SPAG16: variants seen among roughly 807,000 people sequenced by gnomAD.
SPAG16 encodes the protein sperm-associated antigen 16 protein.
In SPAG16, 86 loss-of-function variants were observed where a neutral mutation model predicts 80.4. The observed-to-expected ratio is 1.07, with a 90% CI of 0.90 to 1.28. SPAG16 has a LOEUF of 1.28. Ranked by LOEUF, SPAG16 falls within the 50% of genes most tolerant of loss-of-function variation. The pLI is 0.00. For synonymous variants in SPAG16, 294 were observed against 265.9 expected (o/e 1.11, Z -1.03); for missense variants, 870 against 765.3 (o/e 1.14, Z -1.61).
chr2:213,439,758 G>A (rs1469115452), intron 9 of SPAG16, among the ~76,000 whole-genome samples: 2 of 152,170 alleles, frequency 1.3e-5, no homozygotes, highest in Non-Finnish European at 2.9e-5. Context: ...ATTGGTTAAA[G>A]AAATTGTAGA....
At chr2:213,315,379 G>A (rs1209144702) in intron 4 of SPAG16, among the ~76,000 whole-genome samples, 7 of 151,670 alleles carry the variant, frequency 4.6e-5, no homozygotes, top group Non-Finnish European at 8.8e-5. Flanking sequence ...CTCTCATCTT[G>A]TCTGCTTGAT....
chr2:214,355,940 G>A (rs1186888980), intron 15 of SPAG16, among the ~76,000 whole-genome samples: 12 of 144,226 alleles, frequency 8.3e-5, no homozygotes, highest in East Asian at 2.1e-4. Flanking sequence ...ACCAAACACC[G>A]CATGTTCTCA....
chr2:213,496,691 TTATACATATCCATA>T (rs1055596918), intron 10 of SPAG16, among the ~76,000 whole-genome samples: 4 of 151,182 alleles, frequency 2.6e-5, no homozygotes, highest in South Asian at 2.1e-4. Flanking sequence ...AAGTACTTAA[TTATACATATCCATA>T]TATACATATC....
At chr2:213,508,877 C>T (rs889809798) in intron 10 of SPAG16, among the ~76,000 whole-genome samples, 5 of 151,836 alleles carry the variant, frequency 3.3e-5, no homozygotes, top group African/African-American at 1.2e-4. Context: ...TGTAACTAAC[C>T]TGCACATTGT....
chr2:213,923,727 C>G (rs78992559), intron 11 of SPAG16: 1 of 152,370 alleles, frequency 6.6e-6, no homozygotes, highest in African/African-American at 2.4e-5. Flanking sequence ...ACATTGATCA[C>G]CTGGCAACCA....
chr2:213,396,893 CT>C (rs1246859227), intron 9 of SPAG16, among the ~76,000 whole-genome samples: 3 of 150,984 alleles, frequency 2.0e-5, no homozygotes, highest in South Asian at 2.1e-4. Context: ...CGTAAGGATC[CT>C]TTTTTTTTGA....
chr2:214,370,914 C>T (rs1699772420), intron 15 of SPAG16, among the ~76,000 whole-genome samples: 1 of 152,146 alleles, frequency 6.6e-6, no homozygotes, highest in Admixed American at 6.5e-5. Flanking sequence ...CATACTTGGG[C>T]CAAGTCTCTA....
intron 10 of SPAG16, among the ~76,000 whole-genome samples, chr2:213,769,889 C>A (rs948388272): frequency 3.3e-5 from 5 of 152,182 alleles, no homozygotes; most frequent in African/African-American, 1.2e-4. Context: ...GCTATCAACT[C>A]ACAAAGTGTG....
At chr2:213,444,924 T>C (rs891287444) in intron 9 of SPAG16, among the ~76,000 whole-genome samples, 9 of 152,048 alleles carry the variant, frequency 5.9e-5, no homozygotes, top group African/African-American at 2.2e-4. Context: ...AAAGACAAAA[T>C]TCAGAAATAA....
At position 214,296,961 on chromosome 2, in the gene SPAG16, G is replaced by A. The variant is rs558192198; in HGVS notation, c.1721-113179G>A. 3.3e-5 allele frequency among the ~76,000 whole-genome samples: 5 copies of A among 152,290 alleles called. No homozygotes were observed. In the South Asian group the frequency reaches 1.0e-3, roughly 32 times the overall value. On this transcript the variant is annotated intron_variant, in intron 15 of 15. Coordinates refer to ENST00000331683, the MANE Select transcript of SPAG16 (RefSeq NM_024532.5). ...TGTTCACTCTGTCACCATGTGGCAT[G>A]CTGGCTCCCCTTCACTTTCTGCCAT...
intron 10 of SPAG16, among the ~76,000 whole-genome samples, chr2:213,494,100 C>A (rs78040575): frequency 0.06 from 9,170 of 152,200 alleles, 913 homozygotes; most frequent in African/African-American, 0.21. Context: ...AGTTTTCCTG[C>A]TGACTCCCAG....
At chr2:213,448,165 T>G (rs907100043) in intron 9 of SPAG16, among the ~76,000 whole-genome samples, 5 of 152,338 alleles carry the variant, frequency 3.3e-5, no homozygotes, top group African/African-American at 4.8e-5. Flanking sequence ...TTATTTGGCT[T>G]GGAGATCGGC....
chr2:213,556,613 G>T (rs555908208), intron 10 of SPAG16, among the ~76,000 whole-genome samples: 2 of 152,148 alleles, frequency 1.3e-5, no homozygotes, highest in East Asian at 3.9e-4. Context: ...TAATAGATCT[G>T]GAGAGAAAGA....
intron 10 of SPAG16, among the ~76,000 whole-genome samples, chr2:213,514,538 A>C (rs955942578): frequency 2.0e-5 from 3 of 151,870 alleles, no homozygotes; most frequent in Admixed American, 2.0e-4. Context: ...ACATATGTAT[A>C]CATGTGCCAT....
At chr2:213,933,996 T>C (rs2078883751) in intron 12 of SPAG16, among the ~76,000 whole-genome samples, 1 of 152,142 alleles carries the variant, frequency 6.6e-6, no homozygotes, top group African/African-American at 2.4e-5. Context: ...GGACTTGTAT[T>C]TTTGCACAGT....
intron 15 of SPAG16, among the ~76,000 whole-genome samples, chr2:214,331,407 T>G (rs530816157): frequency 2.0e-4 from 30 of 152,318 alleles, no homozygotes; most frequent in African/African-American, 6.7e-4. Context: ...CAATCACAGC[T>G]TAAAGTTTAA....
intron 15 of SPAG16, among the ~76,000 whole-genome samples, chr2:214,286,238 T>C (rs111571789): frequency 0.026 from 3,980 of 152,188 alleles, 124 homozygotes; most frequent in African/African-American, 0.071. Flanking sequence ...ATGAATAGGC[T>C]CTGGAGATCT....
At chr2:213,860,158 T>A (rs1264690369) in intron 10 of SPAG16, among the ~76,000 whole-genome samples, 2 of 152,064 alleles carry the variant, frequency 1.3e-5, no homozygotes, top group Non-Finnish European at 2.9e-5. Flanking sequence ...TGGGGGTCTT[T>A]ATCGCTATGT....
chr2:213,459,680 G>A (rs1488098840), intron 9 of SPAG16, among the ~76,000 whole-genome samples: 4 of 152,216 alleles, frequency 2.6e-5, no homozygotes, highest in Non-Finnish European at 5.9e-5. Context: ...AGCAGCCAAA[G>A]ATTCAGAAGA....
Sources: allele counts gnomAD v4.1 joint callset (sites outside exome capture counted in the v4.1 genomes callset), GRCh38; gene constraint gnomAD v4.1.1; transcripts MANE v1.5; gene names NCBI Gene and HGNC (gene_info 2026-07-23, HGNC 2026-07-21).